STRN4: variants seen among roughly 807,000 people sequenced by gnomAD.
STRN4 encodes striatin-4.
STRN4 carries 27 observed loss-of-function variants against 77.9 expected under a neutral mutation model. That is an observed-to-expected ratio of 0.35 (90% confidence interval 0.26 to 0.48). The LOEUF is 0.48. Ranked by LOEUF, STRN4 falls within the 20% of genes least tolerant of loss-of-function variation. STRN4 has a pLI of 0.99. For missense variants in STRN4, 798 were observed against 1,049.7 expected, an observed-to-expected ratio of 0.76 and a Z score of 3.31; for synonymous variants, 466 against 443.1, an observed-to-expected ratio of 1.05 and a Z score of -0.65.
Position 46,733,464 on chromosome 19 carries a change from A to G in STRN4, c.540-228T>C. 1 of 536,828 alleles carries G rather than the reference A, an allele frequency of 1.9e-6. No individual in the cohort carries two copies. Among genetic ancestry groups the G allele is most frequent in the Non-Finnish European group, 3.3e-6 (1 of 299,480 alleles). The allele number at this position is 536,828 out of a possible 1,614,324, so 33.3% of individuals were successfully genotyped here. On this transcript the variant is annotated intron_variant, in intron 4 of 17. Coordinates refer to ENST00000263280, the MANE Select transcript of STRN4 (RefSeq NM_013403.3). The surrounding 1 kb of genome is among the most constrained non-coding windows in gnomAD (Gnocchi z 4.3). ...GTGAGGGTGCTCCCTGCACTGCTGTATGGGGAAGCCGAAGCACAGGGACCA... is the reference window on the plus strand; with the variant it reads ...GTGAGGGTGCTCCCTGCACTGCTGTGTGGGGAAGCCGAAGCACAGGGACCA...
intron 16 of STRN4, chr19:46,721,000 C>G: frequency 2.3e-6 from 1 of 431,422 alleles, no homozygotes; most frequent in East Asian, 3.6e-5. Flanking sequence ...CTACTGCACA[C>G]TGAGCCCCAG....
At chr19:46,727,350 C>T in intron 9 of STRN4, 102 bp downstream of exon 9, 3 of 982,280 alleles carry the variant, frequency 3.1e-6, no homozygotes, top group Non-Finnish European at 3.1e-6. Flanking sequence ...CTCTGTGAAA[C>T]AGGATGAGCA....
intron 4 of STRN4, among the ~76,000 whole-genome samples, chr19:46,735,952 G>A (rs968500555): frequency 8.7e-5 from 13 of 150,074 alleles, no homozygotes; most frequent in Middle Eastern, 3.4e-3. Context: ...CAACAAGAGC[G>A]AAACTCTGTC....
chr19:46,728,554 G>A, intron 7 of STRN4, 64 bp downstream of exon 7: 5 of 1,565,784 alleles, frequency 3.2e-6, no homozygotes, highest in Non-Finnish European at 4.3e-6. Flanking sequence ...GCGGGCAGCT[G>A]AGCCTGCTCC....
chr19:46,731,074 C>T, intron 5 of STRN4: 1 of 737,044 alleles, frequency 1.4e-6, no homozygotes, highest in East Asian at 2.7e-5. Flanking sequence ...GGAAGCCTCA[C>T]TCAGACCGCA....
At chr19:46,726,692 G>C (rs561912849) in intron 9 of STRN4, among the ~76,000 whole-genome samples, 28 of 152,298 alleles carry the variant, frequency 1.8e-4, no homozygotes, top group Middle Eastern at 6.8e-3. Context: ...GTTCCGGAGA[G>C]ATGACGAGCA....
intron 4 of STRN4, among the ~76,000 whole-genome samples, chr19:46,734,854 C>T (rs965722573): frequency 6.6e-6 from 1 of 152,036 alleles, no homozygotes; most frequent in Non-Finnish European, 1.5e-5. Context: ...TTAGTAGAGA[C>T]GGGGTTTTGC....
rs764106901 is a variant in STRN4 at position 46,722,893 on chromosome 19, G to A, written c.1823C>T (p.Ala608Val). 1.1e-5 allele frequency: 18 copies of A among 1,613,990 alleles called. No individual in the cohort carries two copies. In the Admixed American group the frequency reaches 2.8e-4, roughly 25 times the overall value. Reference protein sequence around the residue: ...FTSTEPAHIVASFRSGDTVLY... With the variant: ...FTSTEPAHIVVSFRSGDTVLY... ...GACGGTGTCGCCAGAGCGGAAGGAG[G>A]CCACGATGTGGGCAGGCTCGGTGCT... is the stretch of plus-strand genomic sequence containing the variant. The change falls in exon 14 of 18, where the codon GCC becomes GTC. Residue 608 changes from alanine (A) to valine (V), a missense_variant. Ala to Val is a moderately conservative substitution (Grantham distance 64, BLOSUM62 0). Coordinates refer to ENST00000263280, the MANE Select transcript of STRN4 (RefSeq NM_013403.3).
At chr19:46,730,581 G>C in intron 6 of STRN4, 151 bp downstream of exon 6, 1 of 1,232,748 alleles carries the variant, frequency 8.1e-7, no homozygotes, top group Non-Finnish European at 1.1e-6. Context: ...GGCCGCTGCT[G>C]GCCACAAGCT....
rs1318569696 is a variant in STRN4, at chr19:46,723,015, G to C, written c.1766-65C>G. The C allele has an allele frequency of 1.2e-6, 2 of 1,601,800 alleles. No homozygotes were observed. The highest frequency in any genetic ancestry group is 2.2e-5 in the East Asian group (1 of 44,604). ...CAGACCCAGCCCTGCCCCAGGGTGG[G>C]GGACAGTGGGTGGGAGGCCTGGGGC... On this transcript the variant is annotated intron_variant, in intron 13 of 17. Transcript: ENST00000263280. The surrounding 1 kb of genome is among the most constrained non-coding windows in gnomAD (Gnocchi z 5.5).
chr19:46,720,360 G>A (rs1006303051), intron 17 of STRN4, 22 bp from the exon 18 acceptor site: 6 of 396,246 alleles, frequency 1.5e-5, no homozygotes, highest in Non-Finnish European at 2.2e-5. Context: ...AGAAGGGAGG[G>A]GAGACTGAGC....
At chr19:46,729,291 T>C (rs2054196008) in intron 6 of STRN4, among the ~76,000 whole-genome samples, 1 of 152,158 alleles carries the variant, frequency 6.6e-6, no homozygotes, top group South Asian at 2.1e-4. Flanking sequence ...CCGTGAACAC[T>C]GTCATTATCA....
At position 46,728,784 on chromosome 19, in the gene STRN4, C is replaced by G. The variant is rs1368459248; in HGVS notation, c.880-7G>C. 7 of 1,613,750 alleles carry G rather than the reference C, an allele frequency of 4.3e-6. No individual in the cohort carries two copies. The highest frequency in any genetic ancestry group is 2.7e-5 in the African/African-American group (2 of 74,936). ...CCAGAGCCTTGGATGGGAGCTGGCA[C>G]ATGGAGAAAGCCAGACAAGTCAGGG... is the stretch of plus-strand genomic sequence containing the variant. On this transcript the variant is annotated splice_region_variant and splice_polypyrimidine_tract_variant and intron_variant, in intron 6 of 17. Coordinates refer to ENST00000263280, the MANE Select transcript of STRN4 (RefSeq NM_013403.3).
At position 46,722,858 on chromosome 19, in the gene STRN4, T is replaced by C. The variant is rs188935140; in HGVS notation, c.1858A>G (p.Met620Val). 574 of 1,613,914 alleles carry C rather than the reference T, an allele frequency of 3.6e-4. 6 individuals carry two copies. In the Admixed American group the frequency reaches 9.2e-3, roughly 26 times the overall value. Reference sequence around the variant, plus strand: ...GTGAGGAGGGCACTGCCAACCTCCATGTCATACAAGACGGTGTCGCCAGAG... The same window carrying C: ...GTGAGGAGGGCACTGCCAACCTCCACGTCATACAAGACGGTGTCGCCAGAG... ...FRSGDTVLYD[M>V]EVGSALLTLE... The change falls in exon 14 of 18, where the codon ATG becomes GTG. Residue 620 changes from methionine (M) to valine (V), a missense_variant. By Grantham distance (21) the Met-to-Val change is conservative. Transcript: ENST00000263280.
At position 46,723,580 on chromosome 19, in the gene STRN4, C is replaced by T. The variant is rs570846121; in HGVS notation, c.1595-296G>A. On this transcript the variant is annotated intron_variant, in intron 12 of 17. Coordinates refer to ENST00000263280, the MANE Select transcript of STRN4 (RefSeq NM_013403.3). This position sits in a 1 kb window ranked among gnomAD's most constrained non-coding sequence, Gnocchi z 5.5. ...ACTGGGAGCTCAATACAGAATTTTT[C>T]GGGCTCCATTAAGGAAGAAGGAACA... Among the ~76,000 whole-genome samples the T allele has an allele frequency of 6.6e-6, 1 of 152,310 alleles. No individual in the cohort carries two copies. Among genetic ancestry groups the T allele is most frequent in the African/African-American group, 2.4e-5 (1 of 41,580 alleles).
intron 14 of STRN4, 116 bp from the exon 15 acceptor site, chr19:46,722,456 G>C (rs1020563153): frequency 8.8e-7 from 1 of 1,141,638 alleles, no homozygotes; most frequent in African/African-American, 1.5e-5. Flanking sequence ...GATGTCGAGG[G>C]GGGCTGGGCG....
rs2054476142 is a variant in STRN4, at chr19:46,741,662, T to C, written c.283-2774A>G. Among the ~76,000 whole-genome samples the C allele has an allele frequency of 6.6e-6, 1 of 152,132 alleles. No individual in the cohort carries two copies. The highest frequency in any genetic ancestry group is 1.5e-5 in the Non-Finnish European group (1 of 68,030). ...CTAGCCAGAGCCGCAGAGCATGCGC[T>C]CCCAAAACCTTCTGATACCTGGCAG... On this transcript the variant is annotated intron_variant, in intron 1 of 17. Transcript: ENST00000263280. The surrounding 1 kb of genome is among the most constrained non-coding windows in gnomAD (Gnocchi z 4.9).
rs375874209 is a variant in STRN4, at chr19:46,725,514, C to A, written c.1383G>T (p.Thr461=). The A allele has an allele frequency of 6.2e-7, 1 of 1,614,162 alleles. No individual in the cohort carries two copies. The highest frequency in any genetic ancestry group is 8.5e-7 in the Non-Finnish European group (1 of 1,180,026). Residue 461 remains threonine (T), a synonymous_variant, in exon 10 of 18, where the codon ACG becomes ACT. Transcript: ENST00000263280. The part of the protein sequence containing the change: ...SALLTASEDG[T]LKLWNLQKAV... ...CCTTCTGCAGGTTCCAGAGCTTGAG[C>A]GTGCCGTCCTCGGAGGCGGTGAGCA...
intron 4 of STRN4, among the ~76,000 whole-genome samples, chr19:46,735,249 T>G (rs2054336137): frequency 1.3e-5 from 2 of 152,024 alleles, no homozygotes; most frequent in Non-Finnish European, 2.9e-5. Context: ...GAGGTTGCAG[T>G]GAGCCGAGAT....
Sources: allele counts gnomAD v4.1 joint callset (sites outside exome capture counted in the v4.1 genomes callset), GRCh38; gene constraint gnomAD v4.1.1; non-coding constraint Gnocchi (gnomAD v3.1); transcripts MANE v1.5; gene names NCBI Gene and HGNC (gene_info 2026-07-23, HGNC 2026-07-21).